The following HGF variants were observed in gnomAD, a reference collection of about 807,000 sequenced individuals.
The protein encoded by HGF is hepatocyte growth factor.
A neutral mutation model predicts 111.6 loss-of-function variants in HGF; 39 were observed. The observed-to-expected ratio is 0.35, with a 90% CI of 0.27 to 0.46. HGF has a LOEUF of 0.46. HGF is among the 20% of genes least tolerant of loss of function. HGF has a pLI of 1.00. For missense variants in HGF, 735 were observed against 910.5 expected (o/e 0.81, Z 2.48); for synonymous variants, 285 against 294.8 (o/e 0.97, Z 0.34).
intron 7 of HGF, among the ~76,000 whole-genome samples, chr7:81,735,857 T>C (rs376210781): frequency 1.1e-4 from 16 of 152,090 alleles, no homozygotes; most frequent in African/African-American, 3.4e-4. Flanking sequence ...ATGGTCACTT[T>C]CTTGCTATGT....
Position 81,769,984 on chromosome 7 carries a change from C to T in HGF, c.-13G>A, listed in dbSNP as rs1459053084. ...TGGTCACCCACATGGTGCTGCTGGA[C>T]GGGCTGGCGGATCCCTCTGGAGGAG... On this transcript the variant is annotated 5_prime_UTR_variant, in exon 1 of 18. Coordinates refer to ENST00000222390, the MANE Select transcript of HGF (RefSeq NM_000601.6). The T allele has an allele frequency of 3.2e-6, 5 of 1,548,274 alleles. No homozygotes were observed. Among genetic ancestry groups the T allele is most frequent in the Non-Finnish European group, 3.5e-6 (4 of 1,144,964 alleles).
At chr7:81,756,231 C>T in intron 4 of HGF, 2 of 567,452 alleles carry the variant, frequency 3.5e-6, no homozygotes, top group Non-Finnish European at 6.2e-6. Flanking sequence ...TTTTATGCTT[C>T]AGTTTTGTCA....
At chr7:81,707,085 T>C (rs1789447838) in intron 14 of HGF, among the ~76,000 whole-genome samples, 1 of 152,092 alleles carries the variant, frequency 6.6e-6, no homozygotes, top group Non-Finnish European at 1.5e-5. Flanking sequence ...ACACTAATTG[T>C]GAAAAGAGGT....
chr7:81,756,028 T>C lies in HGF; in HGVS notation c.482+1161A>G. 4.3e-6 allele frequency: 3 copies of C among 701,726 alleles called. No homozygotes were observed. The Middle Eastern group carries it at 6.9e-4, about 161-fold the overall frequency. 43.5% of individuals were successfully genotyped at this position (701,726 alleles called of 1,614,324 possible). The stretch of plus-strand genomic sequence containing the variant: ...ATTGTGTCCCCAAAATGGAATAGAA[T>C]AAAAAGTGGATTCAACAAGGCAGTC... On this transcript the variant is annotated intron_variant, in intron 4 of 17. Coordinates refer to ENST00000222390, the MANE Select transcript of HGF (RefSeq NM_000601.6).
In HGF at chr7:81,720,919, T is replaced by C. The variant is rs1043174760; in HGVS notation, c.1169-72A>G. Reference sequence around the variant, plus strand: ...ATAAAACAAAAAGGTTTTTTACAAGTATATGGAATCATGAAATCAACATAA... The same window carrying C: ...ATAAAACAAAAAGGTTTTTTACAAGCATATGGAATCATGAAATCAACATAA... On this transcript the variant is annotated intron_variant, in intron 9 of 17. Transcript: ENST00000222390. The C allele has an allele frequency of 7.7e-5, 63 of 822,384 alleles. No homozygotes were observed. The African/African-American group carries it at 9.3e-4, about 12-fold the overall frequency. The allele number at this position is 822,384 out of a possible 1,614,324, so 50.9% of individuals were successfully genotyped here.
intron 7 of HGF, chr7:81,736,816 G>T: frequency 2.3e-6 from 1 of 441,962 alleles, no homozygotes. Flanking sequence ...ATAGATAGGC[G>T]GTAACAGATG....
Position 81,769,944 on chromosome 7 carries a change from G to A in HGF, c.28C>T (p.Leu10=). The A allele has an allele frequency of 1.3e-6, 2 of 1,561,998 alleles. No individual in the cohort carries two copies. The highest frequency in any genetic ancestry group is 1.7e-6 in the Non-Finnish European group (2 of 1,152,520). MWVTKLLPA[L]LLQHVLLHLL... ...TGCAGGAGGACATGCTGCAGCAGCA[G>A]GGCTGGCAGGAGTTTGGTCACCCAC... Residue 10 remains leucine, a synonymous_variant, in exon 1 of 18, where the codon CTG becomes TTG. Transcript: ENST00000222390.
intron 15 of HGF, 37 bp downstream of exon 15, chr7:81,706,250 C>T (rs768245636): frequency 5.6e-6 from 9 of 1,600,118 alleles, no homozygotes; most frequent in Non-Finnish European, 7.7e-6. Context: ...CAATTCTTGT[C>T]CAGGTGAAAA....
chr7:81,716,906 TG>T (rs1207451489), intron 11 of HGF, among the ~76,000 whole-genome samples: 1 of 152,020 alleles, frequency 6.6e-6, no homozygotes, highest in Non-Finnish European at 1.5e-5. Flanking sequence ...GTATTGGTAT[TG>T]GGGGGTGGGG....
At chr7:81,738,055 C>CAAT (rs1285411615) in intron 7 of HGF, among the ~76,000 whole-genome samples, 2 of 151,968 alleles carry the variant, frequency 1.3e-5, no homozygotes, top group Non-Finnish European at 2.9e-5. Flanking sequence ...TAGAGGGGAA[C>CAAT]AATAGACTGG....
intron 11 of HGF, among the ~76,000 whole-genome samples, chr7:81,714,249 T>C (rs1789652935): frequency 6.6e-6 from 1 of 152,136 alleles, no homozygotes; most frequent in South Asian, 2.1e-4. Flanking sequence ...CCTTCTATAC[T>C]ATGAACTATT....
chr7:81,751,070 CT>C, intron 5 of HGF: 1 of 983,274 alleles, frequency 1.0e-6, no homozygotes, highest in African/African-American at 1.7e-5. Flanking sequence ...ACAAATCCTT[CT>C]CTGTGACAAT....
At chr7:81,763,134 A>G (rs1315366316) in intron 1 of HGF, 3 of 457,320 alleles carry the variant, frequency 6.6e-6, no homozygotes, top group Non-Finnish European at 7.8e-6. Context: ...AAAAATCAGG[A>G]CAGAGTTCAC....
At chr7:81,722,597 G>A (rs1234713444) in intron 9 of HGF, among the ~76,000 whole-genome samples, 1 of 151,176 alleles carries the variant, frequency 6.6e-6, no homozygotes. Context: ...TGGATCACTT[G>A]AGGTCAGGAG....
chr7:81,752,431 C>T (rs1273043328), intron 4 of HGF, among the ~76,000 whole-genome samples, 169 bp from the exon 5 acceptor site: 5 of 151,872 alleles, frequency 3.3e-5, no homozygotes, highest in African/African-American at 7.3e-5. Context: ...GTCCTTAAAA[C>T]GTTTGAATTT....
chr7:81,707,878 A>G (rs1789469139), intron 13 of HGF, among the ~76,000 whole-genome samples: 1 of 152,126 alleles, frequency 6.6e-6, no homozygotes, highest in South Asian at 2.1e-4. Flanking sequence ...TTAACATAAA[A>G]TGTAACTGAA....
At chr7:81,758,891 G>A in intron 2 of HGF, 87 bp from the exon 3 acceptor site, 1 of 828,178 alleles carries the variant, frequency 1.2e-6, no homozygotes, top group Non-Finnish European at 2.1e-6. Flanking sequence ...TTGTCCATGG[G>A]CATATGGACA....
intron 5 of HGF, among the ~76,000 whole-genome samples, chr7:81,749,977 C>T (rs997228157): frequency 1.3e-5 from 2 of 151,880 alleles, no homozygotes; most frequent in Non-Finnish European, 2.9e-5. Flanking sequence ...TTTATAGTTG[C>T]TACCTTAGCC....
intron 10 of HGF, among the ~76,000 whole-genome samples, 199 bp downstream of exon 10, chr7:81,720,546 T>C (rs1252904962): frequency 6.6e-6 from 1 of 152,210 alleles, no homozygotes; most frequent in Non-Finnish European, 1.5e-5. Flanking sequence ...AAATATCCAC[T>C]AACTTGAATT....
Sources: allele counts gnomAD v4.1 joint callset (sites outside exome capture counted in the v4.1 genomes callset), GRCh38; gene constraint gnomAD v4.1.1; transcripts MANE v1.5; gene names NCBI Gene and HGNC (gene_info 2026-07-23, HGNC 2026-07-21).